The following RHBDD1 variants were observed in gnomAD, a reference collection of about 807,000 sequenced individuals.
The protein encoded by RHBDD1 is rhomboid domain containing 1.
RHBDD1 carries 38 observed loss-of-function variants against 36.3 expected under a neutral mutation model. The observed-to-expected ratio is 1.05, with a 90% CI of 0.81 to 1.37. The LOEUF is 1.37. Among genes scored for constraint, RHBDD1 ranks in the 40% most tolerant of loss-of-function variants. RHBDD1 has a pLI of 0.00. For synonymous variants in RHBDD1, 151 were observed against 136.5 expected (o/e 1.11, Z -0.74); for missense variants, 393 against 377.6 (o/e 1.04, Z -0.34).
At chr2:226,918,083 T>C (rs566106306) in intron 8 of RHBDD1, among the ~76,000 whole-genome samples, 4 of 152,194 alleles carry the variant, frequency 2.6e-5, no homozygotes, top group South Asian at 4.1e-4. Flanking sequence ...TTTTAACATA[T>C]AATCCAAAGA....
At chr2:226,877,390 C>CT (rs953436057) in intron 5 of RHBDD1, among the ~76,000 whole-genome samples, 1 of 152,116 alleles carries the variant, frequency 6.6e-6, no homozygotes, top group African/African-American at 2.4e-5. Context: ...TCAGAAAACT[C>CT]TTTAAGTATT....
At chr2:226,852,311 T>C (rs1302962117) in intron 3 of RHBDD1, among the ~76,000 whole-genome samples, 1 of 152,194 alleles carries the variant, frequency 6.6e-6, no homozygotes, top group African/African-American at 2.4e-5. Flanking sequence ...GCAGTAATTT[T>C]TGTGTTTACA....
In RHBDD1 at chr2:226,908,813, T is replaced by A. The variant is rs1559258773; in HGVS notation, c.656-9T>A. Reference sequence around the variant, plus strand: ...CTGCCATTAAAATGTTTATTTCTTTTACGTTTAGGCGGTTTTTCCTCCAGT... The same window carrying A: ...CTGCCATTAAAATGTTTATTTCTTTAACGTTTAGGCGGTTTTTCCTCCAGT... On this transcript the variant is annotated splice_polypyrimidine_tract_variant and intron_variant, in intron 6 of 8. Transcript: ENST00000392062. 6.3e-7 allele frequency: 1 copy of A among 1,596,950 alleles called. No individual in the cohort carries two copies. Among genetic ancestry groups the A allele is most frequent in the Admixed American group, 1.7e-5 (1 of 59,976 alleles).
chr2:226,881,959 A>C (rs1475453584), intron 5 of RHBDD1, among the ~76,000 whole-genome samples: 1 of 152,232 alleles, frequency 6.6e-6, no homozygotes, highest in Non-Finnish European at 1.5e-5. Flanking sequence ...ACAAATACCA[A>C]GTAGTTCTTA....
chr2:226,876,770 T>C (rs1945273381), intron 5 of RHBDD1, among the ~76,000 whole-genome samples: 1 of 152,186 alleles, frequency 6.6e-6, no homozygotes, highest in Non-Finnish European at 1.5e-5. Context: ...AAATTAAAAC[T>C]AAGAATTAAA....
chr2:226,987,351 A>T (rs923494954), intron 8 of RHBDD1, among the ~76,000 whole-genome samples: 18 of 152,030 alleles, frequency 1.2e-4, no homozygotes, highest in Non-Finnish European at 2.6e-4. Context: ...AAAAAAAAAA[A>T]TTGGGATGGG....
chr2:226,807,866 G>A, the RHBDD1 span, among the ~76,000 whole-genome samples: 1 of 152,134 alleles, frequency 6.6e-6, no homozygotes, highest in Admixed American at 6.6e-5. Flanking sequence ...TTGGGAGGCC[G>A]AGGCGGGCAT....
chr2:226,849,143 A>G (rs764034377), intron 3 of RHBDD1, among the ~76,000 whole-genome samples: 2 of 152,226 alleles, frequency 1.3e-5, no homozygotes, highest in Admixed American at 6.5e-5. Context: ...AGCTATTATT[A>G]TGACTCCATC....
At chr2:226,906,275 T>C (rs903153428) in intron 5 of RHBDD1, among the ~76,000 whole-genome samples, 4 of 152,210 alleles carry the variant, frequency 2.6e-5, no homozygotes, top group African/African-American at 7.2e-5. Flanking sequence ...AAGACAACTT[T>C]GGTGGATGCA....
chr2:226,902,442 C>T (rs534573758), intron 5 of RHBDD1, among the ~76,000 whole-genome samples: 1 of 152,148 alleles, frequency 6.6e-6, no homozygotes, highest in Non-Finnish European at 1.5e-5. Context: ...CAGTTTTCTC[C>T]CTGTCTGCAG....
intron 8 of RHBDD1, among the ~76,000 whole-genome samples, chr2:226,943,499 T>C (rs1257063268): frequency 2.0e-5 from 3 of 152,212 alleles, no homozygotes; most frequent in Non-Finnish European, 2.9e-5. Context: ...AACCACTTGC[T>C]TCTGGCTAGC....
chr2:226,867,496 A>G (rs191770955), intron 5 of RHBDD1, 178 bp downstream of exon 5: 20 of 840,180 alleles, frequency 2.4e-5, no homozygotes, highest in Middle Eastern at 6.2e-4. Flanking sequence ...AATCTTTTCA[A>G]CTATTAAGCT....
chr2:226,835,202 C>T (rs10192769), upstream of RHBDD1, among the ~76,000 whole-genome samples: 60,582 of 152,170 alleles, frequency 0.4, 16,998 homozygotes, highest in African/African-American at 0.81. Context: ...TGAGTTACCG[C>T]GCCCGGCTGT....
At chr2:226,969,822 A>G (rs1953097137) in intron 8 of RHBDD1, among the ~76,000 whole-genome samples, 1 of 152,208 alleles carries the variant, frequency 6.6e-6, no homozygotes, top group African/African-American at 2.4e-5. Context: ...ATTCTTCATA[A>G]TGCTAAATTT....
intron 8 of RHBDD1, among the ~76,000 whole-genome samples, chr2:226,986,363 T>C (rs1039477927): frequency 6.6e-5 from 10 of 152,240 alleles, no homozygotes; most frequent in African/African-American, 2.2e-4. Context: ...GTTGGTTTCT[T>C]AGTTTCGACA....
intron 8 of RHBDD1, among the ~76,000 whole-genome samples, chr2:226,952,399 G>A (rs1343227801): frequency 6.9e-6 from 1 of 145,150 alleles, no homozygotes; most frequent in Non-Finnish European, 1.5e-5. Flanking sequence ...CCGGGTTCAA[G>A]TGATTCTCAT....
chr2:226,974,533 G>A (rs773979141), intron 8 of RHBDD1, among the ~76,000 whole-genome samples: 8 of 152,252 alleles, frequency 5.3e-5, no homozygotes, highest in East Asian at 1.9e-4. Context: ...CACCGTGCCC[G>A]GCCTGGGTGT....
At chr2:226,924,217 G>C (rs978192541) in intron 8 of RHBDD1, among the ~76,000 whole-genome samples, 2 of 152,128 alleles carry the variant, frequency 1.3e-5, no homozygotes, top group African/African-American at 4.8e-5. Flanking sequence ...GAGCCCTTTA[G>C]TCAGCAGGTG....
At chr2:226,897,757 G>T (rs1379719163) in intron 5 of RHBDD1, among the ~76,000 whole-genome samples, 1 of 152,102 alleles carries the variant, frequency 6.6e-6, no homozygotes, top group Admixed American at 6.5e-5. Flanking sequence ...GGATCACTGA[G>T]GTCAGGAGTT....
Sources: allele counts gnomAD v4.1 joint callset (sites outside exome capture counted in the v4.1 genomes callset), GRCh38; gene constraint gnomAD v4.1.1; transcripts MANE v1.5; gene names NCBI Gene and HGNC (gene_info 2026-07-23, HGNC 2026-07-21).